The following HSPA14 variants were observed in gnomAD, a reference collection of about 807,000 sequenced individuals.
The protein encoded by HSPA14 is heat shock protein family A (Hsp70) member 14.
Under a neutral mutation model 65.5 loss-of-function variants are expected in HSPA14, and 37 were observed. That is an observed-to-expected ratio of 0.56 (90% CI 0.43 to 0.74). The LOEUF is 0.74. Ranked by LOEUF, HSPA14 falls within the 30% of genes least tolerant of loss-of-function variation. The pLI, the probability that HSPA14 is intolerant of heterozygous loss-of-function variation, is 0.00. For synonymous variants in HSPA14, 203 were observed against 214.2 expected (o/e 0.95, Z 0.46); for missense variants, 564 against 607.6 (o/e 0.93, Z 0.75).
chr10:14,840,071 T>TC lies in HSPA14; in HGVS notation c.139-3dup. On this transcript the variant is annotated splice_region_variant and splice_polypyrimidine_tract_variant and intron_variant, in intron 2 of 13. Transcript: ENST00000378372. Reference sequence around the variant, plus strand: ...ATATATATATATATTATTTTTTTTTTCAGATTGTTGGATTGGCAGCAAAAC... The same window carrying TC: ...ATATATATATATATTATTTTTTTTTTCCAGATTGTTGGATTGGCAGCAAAAC... 1.6e-6 allele frequency: 2 copies of TC among 1,278,934 alleles called. No homozygotes were observed. The highest frequency in any genetic ancestry group is 2.1e-6 in the Non-Finnish European group (2 of 956,710). The allele number at this position is 1,278,934 out of a possible 1,614,324, so 79.2% of individuals were successfully genotyped here.
chr10:14,862,510 G>A (rs1288216667), intron 10 of HSPA14, among the ~76,000 whole-genome samples: 5 of 150,146 alleles, frequency 3.3e-5, no homozygotes. Flanking sequence ...GAGTAGCTGG[G>A]ACGACAGGCG....
At chr10:14,838,519 G>T (rs1299319499) in intron 1 of HSPA14, 60 bp downstream of exon 1, 2 of 1,490,526 alleles carry the variant, frequency 1.3e-6, no homozygotes, top group African/African-American at 1.4e-5. Context: ...TCTGGCGCTG[G>T]GTCATCCACA....
chr10:14,847,816 A>G (rs1369384247), intron 3 of HSPA14, among the ~76,000 whole-genome samples: 1 of 152,244 alleles, frequency 6.6e-6, no homozygotes, highest in Non-Finnish European at 1.5e-5. Flanking sequence ...TAAGCCAAGA[A>G]TCAGAGATTT....
rs1400897816 is a variant in HSPA14 at position 14,842,819 on chromosome 10, G to A, written c.221+2662G>A. 3.3e-6 allele frequency: 5 copies of A among 1,535,136 alleles called. No homozygotes were observed. In the Admixed American group the frequency reaches 9.8e-5, roughly 30 times the overall value. On this transcript the variant is annotated intron_variant, in intron 3 of 13. Transcript: ENST00000378372. This position sits in a 1 kb window ranked among gnomAD's most constrained non-coding sequence, Gnocchi z 5.2. ...GATACGAGAAACCAGTGACCTTGAG[G>A]ACTCCTGGGATGAATCCTCGGGTGC...
At position 14,848,600 on chromosome 10, in the gene HSPA14, T is replaced by C. The variant is rs760151001; in HGVS notation, c.222-9T>C. ...ATACTTAGCTATCTTTATCTTTCTT[T>C]ATGGACAGCTCCAGTGATCCACAAG... On this transcript the variant is annotated splice_polypyrimidine_tract_variant and intron_variant, in intron 3 of 13. Coordinates refer to ENST00000378372, the MANE Select transcript of HSPA14 (RefSeq NM_016299.4). 6.2e-7 allele frequency: 1 copy of C among 1,604,374 alleles called. No individual in the cohort carries two copies. The highest frequency in any genetic ancestry group is 8.5e-7 in the Non-Finnish European group (1 of 1,172,268).
At chr10:14,840,043 T>C (rs1047009057) in intron 2 of HSPA14, 32 bp from the exon 3 acceptor site, 1 of 563,442 alleles carries the variant, frequency 1.8e-6, no homozygotes, top group East Asian at 6.3e-5. Flanking sequence ...TACATTGTAA[T>C]ATATATATAT....
At chr10:14,862,475 C>G (rs914075700) in intron 10 of HSPA14, among the ~76,000 whole-genome samples, 18 of 149,728 alleles carry the variant, frequency 1.2e-4, no homozygotes, top group African/African-American at 4.4e-4. Flanking sequence ...CCCAGGTTCA[C>G]GCTATTCTCC....
rs116048994 is a variant in HSPA14 at position 14,839,816 on chromosome 10, C to A, written c.58-89C>A. The A allele has an allele frequency of 5.7e-4, 490 of 866,798 alleles. 1 individual carries two copies. The African/African-American group carries it at 7.7e-3, about 14-fold the overall frequency. 53.7% of individuals were successfully genotyped at this position (866,798 alleles called of 1,614,324 possible). A position where few individuals can be genotyped will look rare whatever the true frequency, so the allele number is the denominator to read the frequency against. On this transcript the variant is annotated intron_variant, in intron 1 of 13. Coordinates refer to ENST00000378372, the MANE Select transcript of HSPA14 (RefSeq NM_016299.4). ...AATATTGAGATAGCAGTTTTTCTTTCCACACAGATGGCAAAGTAACACTGG... is the reference window on the plus strand; with the variant it reads ...AATATTGAGATAGCAGTTTTTCTTTACACACAGATGGCAAAGTAACACTGG...
chr10:14,859,070 A>T (rs1004475115), intron 10 of HSPA14, among the ~76,000 whole-genome samples: 7 of 152,146 alleles, frequency 4.6e-5, no homozygotes, highest in Admixed American at 1.3e-4. Flanking sequence ...AGAGAGCTTC[A>T]GGGTTCCTAC....
At chr10:14,840,385 T>C (rs1302236426) in intron 3 of HSPA14, among the ~76,000 whole-genome samples, 1 of 152,196 alleles carries the variant, frequency 6.6e-6, no homozygotes, top group South Asian at 2.1e-4. Context: ...ACAGGTCAAT[T>C]TGGTAATTTG....
chr10:14,844,625 A>G (rs1834023103), intron 3 of HSPA14: 1 of 985,016 alleles, frequency 1.0e-6, no homozygotes, highest in African/African-American at 1.7e-5. Flanking sequence ...TCTCCTATCA[A>G]TATAAGGAAA....
chr10:14,862,079 T>C (rs763013300), intron 10 of HSPA14, among the ~76,000 whole-genome samples: 14 of 148,256 alleles, frequency 9.4e-5, no homozygotes, highest in Non-Finnish European at 1.9e-4. Context: ...CAGGTTGGAG[T>C]GCAGTGGCAC....
chr10:14,858,684 T>C (rs1311224579), intron 10 of HSPA14, among the ~76,000 whole-genome samples: 1 of 152,028 alleles, frequency 6.6e-6, no homozygotes, highest in African/African-American at 2.4e-5. Context: ...ACCTACCAAG[T>C]TGTGGGAGTG....
intron 10 of HSPA14, among the ~76,000 whole-genome samples, chr10:14,865,491 A>G (rs1222357394): frequency 6.6e-6 from 1 of 152,132 alleles, no homozygotes; most frequent in African/African-American, 2.4e-5. Flanking sequence ...TCTTGAATTA[A>G]TTTTTGTATA....
intron 10 of HSPA14, among the ~76,000 whole-genome samples, chr10:14,864,778 T>C (rs1203708413): frequency 6.6e-6 from 1 of 152,254 alleles, no homozygotes; most frequent in Non-Finnish European, 1.5e-5. Context: ...AGTACCGCAA[T>C]GAACATATGT....
At chr10:14,854,880 C>A (rs1331772591) in intron 9 of HSPA14, among the ~76,000 whole-genome samples, 1 of 152,226 alleles carries the variant, frequency 6.6e-6, no homozygotes, top group Admixed American at 6.5e-5. Flanking sequence ...TCCTCAGTAG[C>A]ACTAGCTGCA....
At chr10:14,846,209 G>A (rs954544463) in intron 3 of HSPA14, 7 of 985,218 alleles carry the variant, frequency 7.1e-6, no homozygotes, top group Non-Finnish European at 8.4e-6. Flanking sequence ...TATATGGAAA[G>A]ATATGTGTCA....
intron 10 of HSPA14, among the ~76,000 whole-genome samples, chr10:14,856,808 G>A (rs892254542): frequency 2.6e-5 from 4 of 152,046 alleles, no homozygotes; most frequent in Non-Finnish European, 4.4e-5. Flanking sequence ...GCAGTGAGCC[G>A]TGATTCGTAC....
Position 14,838,329 on chromosome 10 carries a change from GGGC to G in HSPA14, c.-73_-71del. On this transcript the variant is annotated 5_prime_UTR_variant, in exon 1 of 14. Coordinates refer to ENST00000378372, the MANE Select transcript of HSPA14 (RefSeq NM_016299.4). ...ACGTGAAGCTCCGCGGTGCCTGATG[GGGC>G]CGTTGGGCGGCCGGTAGCTGTTGCT... is the stretch of plus-strand genomic sequence containing the variant. The G allele has an allele frequency of 6.9e-7, 1 of 1,441,530 alleles. No individual in the cohort carries two copies. Among genetic ancestry groups the G allele is most frequent in the Non-Finnish European group, 9.5e-7 (1 of 1,055,204 alleles). 89.3% of individuals were successfully genotyped at this position (1,441,530 alleles called of 1,614,324 possible). A position where few individuals can be genotyped will look rare whatever the true frequency, so the allele number is the denominator to read the frequency against.
Sources: allele counts gnomAD v4.1 joint callset (sites outside exome capture counted in the v4.1 genomes callset), GRCh38; gene constraint gnomAD v4.1.1; non-coding constraint Gnocchi (gnomAD v3.1); transcripts MANE v1.5; gene names NCBI Gene and HGNC (gene_info 2026-07-23, HGNC 2026-07-21).